GALNT18: variants seen among roughly 807,000 people sequenced by gnomAD.
GALNT18 encodes the protein GalNAc-transferase 18.
Under a neutral mutation model 69.5 loss-of-function variants are expected in GALNT18, and 44 were observed. That is an observed-to-expected ratio of 0.63 (90% CI 0.50 to 0.81). The LOEUF (loss-of-function observed/expected upper bound fraction) is 0.81, where lower values mean the gene tolerates loss of function less well. GALNT18 is among the 40% of genes least tolerant of loss of function. The pLI, the probability that GALNT18 is intolerant of heterozygous loss-of-function variation, is 0.00. For missense variants in GALNT18, 715 were observed against 810.0 expected (o/e 0.88, Z 1.42); for synonymous variants, 364 against 318.2 (o/e 1.14, Z -1.53).
chr11:11,464,325 T>C (rs1856112018), intron 1 of GALNT18, among the ~76,000 whole-genome samples: 1 of 152,242 alleles, frequency 6.6e-6, no homozygotes, highest in South Asian at 2.1e-4. Flanking sequence ...CGAGGTCTCC[T>C]AGGCTCAGAT....
chr11:11,485,136 C>T (rs1856616656), intron 1 of GALNT18, among the ~76,000 whole-genome samples: 2 of 152,344 alleles, frequency 1.3e-5, no homozygotes, highest in South Asian at 2.1e-4. Flanking sequence ...GGGTTTCCTC[C>T]TGTTCTCACA....
intron 6 of GALNT18, among the ~76,000 whole-genome samples, chr11:11,367,421 T>C (rs1589942933): frequency 6.6e-6 from 1 of 152,204 alleles, no homozygotes; most frequent in African/African-American, 2.4e-5. Context: ...AAGGAGTCAG[T>C]GACTTGCAGA....
intron 9 of GALNT18, among the ~76,000 whole-genome samples, chr11:11,316,199 T>C (rs1275410802): frequency 6.6e-6 from 1 of 151,890 alleles, no homozygotes; most frequent in African/African-American, 2.4e-5. Flanking sequence ...CACGGAGTCA[T>C]GGAGGGCACA....
Position 11,520,122 on chromosome 11 carries a change from C to T in GALNT18, c.236-71186G>A, listed in dbSNP as rs373242501. Among the ~76,000 whole-genome samples the T allele has an allele frequency of 9.2e-5, 14 of 152,336 alleles. No homozygotes were observed. In the East Asian group the frequency reaches 1.5e-3, roughly 17 times the overall value. On this transcript the variant is annotated intron_variant, in intron 1 of 10. Transcript: ENST00000227756. Reference sequence around the variant, plus strand: ...AGAGTCCCTGGCCAGTGCCCTTGGGCGATGTTTTTAACCAACAAGCTTGTA... The same window carrying T: ...AGAGTCCCTGGCCAGTGCCCTTGGGTGATGTTTTTAACCAACAAGCTTGTA...
intron 1 of GALNT18, among the ~76,000 whole-genome samples, chr11:11,609,286 C>G (rs1302826480): frequency 6.6e-6 from 1 of 152,196 alleles, no homozygotes; most frequent in African/African-American, 2.4e-5. Context: ...CCCCTACCCC[C>G]TTTTCCCACC....
intron 1 of GALNT18, among the ~76,000 whole-genome samples, chr11:11,553,446 T>C (rs955524584): frequency 6.6e-6 from 1 of 152,130 alleles, no homozygotes; most frequent in Non-Finnish European, 1.5e-5. Context: ...TCCTGTCTTG[T>C]CCCAGGGCAT....
At position 11,404,111 on chromosome 11, in the gene GALNT18, G is replaced by A. The variant is rs1459889626; in HGVS notation, c.596-24847C>T. Among the ~76,000 whole-genome samples, 2 of 152,232 alleles carry A rather than the reference G, an allele frequency of 1.3e-5. No homozygotes were observed. The highest frequency in any genetic ancestry group is 3.9e-4 in the East Asian group (2 of 5,190). Reference sequence around the variant, plus strand: ...CCCCGCCACTTGCTGGCAGCAGGAGGAGAGCATTCCCATGTCTCATGGGCT... The same window carrying A: ...CCCCGCCACTTGCTGGCAGCAGGAGAAGAGCATTCCCATGTCTCATGGGCT... On this transcript the variant is annotated intron_variant, in intron 3 of 10. Coordinates refer to ENST00000227756, the MANE Select transcript of GALNT18 (RefSeq NM_198516.3). The surrounding 1 kb of genome is among the most constrained non-coding windows in gnomAD (Gnocchi z 4.5).
At chr11:11,485,499 C>T (rs1290055457) in intron 1 of GALNT18, among the ~76,000 whole-genome samples, 1 of 152,326 alleles carries the variant, frequency 6.6e-6, no homozygotes, top group Non-Finnish European at 1.5e-5. Context: ...GGTGCTCCAC[C>T]TCCAAGAACT....
chr11:11,295,141 C>T (rs61506620), intron 9 of GALNT18, among the ~76,000 whole-genome samples: 3 of 152,082 alleles, frequency 2.0e-5, no homozygotes, highest in Admixed American at 6.5e-5. Flanking sequence ...GGTGAGTAAG[C>T]GTGGTCCTTC....
At chr11:11,393,125 G>T (rs1854234003) in intron 3 of GALNT18, among the ~76,000 whole-genome samples, 1 of 152,360 alleles carries the variant, frequency 6.6e-6, no homozygotes, top group East Asian at 1.9e-4. Context: ...TCAGTTTGGG[G>T]ATGCCCAGCC....
At chr11:11,553,910 G>A (rs10765863) in intron 1 of GALNT18, among the ~76,000 whole-genome samples, 18,457 of 152,224 alleles carry the variant, frequency 0.12, 1,506 homozygotes, top group East Asian at 0.3. Flanking sequence ...AGGCAGCCCC[G>A]GAAAATTTGC....
chr11:11,366,200 A>G (rs1018019708), intron 6 of GALNT18, among the ~76,000 whole-genome samples: 2 of 152,194 alleles, frequency 1.3e-5, no homozygotes, highest in Non-Finnish European at 2.9e-5. Flanking sequence ...TCTTTGAGAT[A>G]CCCATGTCCT....
intron 9 of GALNT18, among the ~76,000 whole-genome samples, chr11:11,302,305 T>C (rs1338174385): frequency 6.6e-6 from 1 of 152,142 alleles, no homozygotes; most frequent in Non-Finnish European, 1.5e-5. Flanking sequence ...AGACAAAGAA[T>C]GGGTGCCCCA....
chr11:11,529,509 G>T (rs886559868), intron 1 of GALNT18, among the ~76,000 whole-genome samples: 2 of 152,036 alleles, frequency 1.3e-5, no homozygotes, highest in Admixed American at 6.6e-5. Context: ...TTATTCTCGG[G>T]TCTTCAGACT....
chr11:11,599,054 A>G (rs758514994), intron 1 of GALNT18, among the ~76,000 whole-genome samples: 11 of 152,226 alleles, frequency 7.2e-5, no homozygotes, highest in Non-Finnish European at 1.3e-4. Context: ...GCTTGAAAAA[A>G]ATGTGTATTC....
chr11:11,532,458 C>T (rs570250233), intron 1 of GALNT18, among the ~76,000 whole-genome samples: 447 of 152,340 alleles, frequency 2.9e-3, no homozygotes, highest in Non-Finnish European at 5.0e-3. Flanking sequence ...TTCCACTCCC[C>T]TGTGCTATTT....
rs1858525338 is a variant in GALNT18, at chr11:11,562,092, T to G, written c.235+59267A>C. On this transcript the variant is annotated intron_variant, in intron 1 of 10. Coordinates refer to ENST00000227756, the MANE Select transcript of GALNT18 (RefSeq NM_198516.3). The surrounding 1 kb of genome is among the most constrained non-coding windows in gnomAD (Gnocchi z 4.1). ...GGTGTGGGATTGCTCCCTGCATTAGTTTGCTAGTGCTGTCCTAACTAAGTA... is the reference window on the plus strand; with the variant it reads ...GGTGTGGGATTGCTCCCTGCATTAGGTTGCTAGTGCTGTCCTAACTAAGTA... Among the ~76,000 whole-genome samples the G allele has an allele frequency of 6.6e-6, 1 of 152,234 alleles. No homozygotes were observed. Among genetic ancestry groups the G allele is most frequent in the African/African-American group, 2.4e-5 (1 of 41,458 alleles).
At chr11:11,551,197 T>C (rs913232401) in intron 1 of GALNT18, among the ~76,000 whole-genome samples, 1 of 151,970 alleles carries the variant, frequency 6.6e-6, no homozygotes, top group Non-Finnish European at 1.5e-5. Context: ...GTGGGTCAGC[T>C]CAATACTCTA....
chr11:11,554,876 C>T (rs1858289725), intron 1 of GALNT18, among the ~76,000 whole-genome samples: 1 of 152,102 alleles, frequency 6.6e-6, no homozygotes, highest in Admixed American at 6.5e-5. Flanking sequence ...TCTGTCTGAG[C>T]CCAGGGTCTC....
Sources: allele counts gnomAD v4.1 joint callset (sites outside exome capture counted in the v4.1 genomes callset), GRCh38; gene constraint gnomAD v4.1.1; non-coding constraint Gnocchi (gnomAD v3.1); transcripts MANE v1.5; gene names NCBI Gene and HGNC (gene_info 2026-07-23, HGNC 2026-07-21).